Variants in DLG5 observed in about 807,000 individuals in gnomAD.
The protein encoded by DLG5 is discs large MAGUK scaffold protein 5, also known as disks large homolog 5.
DLG5 carries 48 observed loss-of-function variants against 189.8 expected under a neutral mutation model. The observed-to-expected ratio is 0.25, with a 90% CI of 0.20 to 0.32. The LOEUF (loss-of-function observed/expected upper bound fraction) is 0.32, where lower values mean the gene tolerates loss of function less well. Ranked by LOEUF, DLG5 falls within the 10% of genes least tolerant of loss-of-function variation. The pLI, the probability that DLG5 is intolerant of heterozygous loss-of-function variation, is 1.00. For missense variants in DLG5, 2,160 were observed against 2,544.7 expected, an observed-to-expected ratio of 0.85 and a Z score of 3.25; for synonymous variants, 1,016 against 1,054.1, an observed-to-expected ratio of 0.96 and a Z score of 0.70.
At chr10:77,931,174 C>T (rs1261285866), upstream of DLG5, among the ~76,000 whole-genome samples, 1 of 152,060 alleles carries the variant, frequency 6.6e-6, no homozygotes, top group Non-Finnish European at 1.5e-5. Context: ...CCAAGCTGGT[C>T]TTGAACACCT....
At chr10:77,908,499 G>A (rs1426748004) in intron 1 of DLG5, among the ~76,000 whole-genome samples, 1 of 152,292 alleles carries the variant, frequency 6.6e-6, no homozygotes, top group Admixed American at 6.5e-5. Context: ...AGCAGAGGCT[G>A]GTTGGCCTGG....
intron 27 of DLG5, among the ~76,000 whole-genome samples, chr10:77,797,093 G>A (rs1247800001): frequency 2.0e-5 from 3 of 152,198 alleles, no homozygotes; most frequent in Non-Finnish European, 4.4e-5. Flanking sequence ...AAATGGCAGA[G>A]GCACAAGATG....
chr10:77,859,226 T>TAA (rs559405438), intron 2 of DLG5, among the ~76,000 whole-genome samples: 1 of 152,126 alleles, frequency 6.6e-6, no homozygotes, highest in Non-Finnish European at 1.5e-5. Flanking sequence ...GTCAAAAAGT[T>TAA]AAAAAAATAT....
chr10:77,856,751 T>C lies in DLG5; in HGVS notation c.515A>G (p.His172Arg), dbSNP rs1471210269. ...ELRKRLAFAT[H>R]GTAFDKRPYH... ...CTACCTCTTGTCAAAGGCCGTGCCA[T>C]GCGTAGCAAAGGCCAGGCGCTTGCG... The change falls in exon 3 of 32, where the codon CAT (histidine) becomes CGT (arginine). Residue 172 changes from histidine (H) to arginine (R), a missense_variant. This residue lies in a region of DLG5 where 664 missense variants were observed against 838.5 expected (regional missense o/e 0.79). Transcript: ENST00000372391. The C allele has an allele frequency of 3.1e-6, 5 of 1,613,472 alleles. No homozygotes were observed. Among genetic ancestry groups the C allele is most frequent in the East Asian group, 2.2e-5 (1 of 44,878 alleles).
At position 77,816,655 on chromosome 10, in the gene DLG5, C is replaced by G; in HGVS notation, c.3921G>C (p.Leu1307=). The G allele has an allele frequency of 6.2e-7, 1 of 1,613,924 alleles. No homozygotes were observed. Among genetic ancestry groups the G allele is most frequent in the African/African-American group, 1.3e-5 (1 of 75,050 alleles). ...SECSTPPQSP[L]NIDTLSSCSQ... is the part of the protein sequence containing the mutation. The stretch of plus-strand genomic sequence containing the variant: ...TACAAGAGGACAGGGTGTCGATGTT[C>G]AGGGGTGACTGTGGAGGAGTGCTGC... The change falls in exon 20 of 32, where the codon CTG becomes CTC. Residue 1307 remains leucine, a synonymous_variant. Coordinates refer to ENST00000372391, the MANE Select transcript of DLG5 (RefSeq NM_004747.4).
At chr10:77,934,354 A>G in the DLG5 span, among the ~76,000 whole-genome samples, 1 of 145,476 alleles carries the variant, frequency 6.9e-6, no homozygotes, top group Admixed American at 7.3e-5. Context: ...CTGGGCAATA[A>G]GAGTGAAACT....
At position 77,830,203 on chromosome 10, in the gene DLG5, G is replaced by C; in HGVS notation, c.2009+14C>G. 6.2e-7 allele frequency: 1 copy of C among 1,613,930 alleles called. No homozygotes were observed. Among genetic ancestry groups the C allele is most frequent in the South Asian group, 1.1e-5 (1 of 91,076 alleles). On this transcript the variant is annotated intron_variant, in intron 11 of 31. Transcript: ENST00000372391. ...GCCCCACCTTGCCTCCAGAGCCTGG[G>C]CCTCAACTCTTACCTTAAGCGGCCA...
intron 1 of DLG5, among the ~76,000 whole-genome samples, chr10:77,914,800 T>A (rs1846315581): frequency 6.6e-6 from 1 of 152,300 alleles, no homozygotes; most frequent in East Asian, 1.9e-4. Context: ...ACCACCAGGA[T>A]GGCTCTCCAC....
At chr10:77,827,934 G>C (rs1564521779) in intron 13 of DLG5, among the ~76,000 whole-genome samples, 1 of 152,066 alleles carries the variant, frequency 6.6e-6, no homozygotes, top group Non-Finnish European at 1.5e-5. Flanking sequence ...TTCTAAATGG[G>C]GGCAGGGACA....
At position 77,796,509 on chromosome 10, in the gene DLG5, G is replaced by A. The variant is rs762419455; in HGVS notation, c.5250C>T (p.Asp1750=). The change falls in exon 28 of 32, where the codon GAC becomes GAT. Residue 1750 remains aspartate (D), a synonymous_variant. Transcript: ENST00000372391. This position sits in a 1 kb window ranked among gnomAD's most constrained non-coding sequence, Gnocchi z 5.2. ...CATTCACCAGCATCTCCTTCACCAC[G>A]TCCAGCAAAGGCCCCAGAATCAGGA... is the stretch of plus-strand genomic sequence containing the variant. ...RPVLILGPLL[D]VVKEMLVNEA... is the part of the protein sequence containing the mutation. The A allele has an allele frequency of 6.8e-6, 11 of 1,614,162 alleles. No homozygotes were observed. Among genetic ancestry groups the A allele is most frequent in the Admixed American group, 5.0e-5 (3 of 60,020 alleles).
At chr10:77,832,668 AG>A (rs1360379052) in intron 9 of DLG5, among the ~76,000 whole-genome samples, 1 of 152,202 alleles carries the variant, frequency 6.6e-6, no homozygotes, top group Non-Finnish European at 1.5e-5. Flanking sequence ...CTTAGCAGAC[AG>A]GAGGCACAAA....
In DLG5 at chr10:77,829,350, G is replaced by T; in HGVS notation, c.2185+5C>A. The T allele has an allele frequency of 6.2e-7, 1 of 1,613,498 alleles. No homozygotes were observed. The highest frequency in any genetic ancestry group is 1.7e-5 in the Admixed American group (1 of 60,022). On this transcript the variant is annotated splice_donor_5th_base_variant and intron_variant, in intron 12 of 31. Coordinates refer to ENST00000372391, the MANE Select transcript of DLG5 (RefSeq NM_004747.4). ...GGCACTCTGCCATGTTCACAGGCCC[G>T]CTACCTTTCTGTCCACTGAGGTTGA...
At chr10:77,867,844 C>T in intron 2 of DLG5, 2 of 437,376 alleles carry the variant, frequency 4.6e-6, no homozygotes, top group South Asian at 3.3e-5. Flanking sequence ...ATAGTCTTTA[C>T]AGATGATCAA....
rs1841646723 is a variant in DLG5 at position 77,809,457 on chromosome 10, A to G, written c.4647+90T>C. ...ACTGGCTCACCAGATGAGAGGCTGT[A>G]CTCCTCCGTCTTTGGTGCCACCTGA... On this transcript the variant is annotated intron_variant, in intron 24 of 31. Transcript: ENST00000372391. The G allele has an allele frequency of 2.2e-6, 3 of 1,394,000 alleles. No homozygotes were observed. The Admixed American group carries it at 6.6e-5, about 31-fold the overall frequency. The allele number at this position is 1,394,000 out of a possible 1,614,324, so 86.4% of individuals were successfully genotyped here.
At chr10:77,870,179 CA>C (rs1157051236) in intron 1 of DLG5, among the ~76,000 whole-genome samples, 1 of 152,160 alleles carries the variant, frequency 6.6e-6, no homozygotes, top group Non-Finnish European at 1.5e-5. Context: ...GATGGCAGGT[CA>C]GATAAAACAA....
intron 1 of DLG5, among the ~76,000 whole-genome samples, chr10:77,892,735 G>A (rs983770957): frequency 6.6e-6 from 1 of 152,230 alleles, no homozygotes; most frequent in Non-Finnish European, 1.5e-5. Flanking sequence ...GCAGCCAGGA[G>A]ACACCCAATA....
At chr10:77,837,427 C>T (rs1021776518) in intron 7 of DLG5, among the ~76,000 whole-genome samples, 5 of 152,086 alleles carry the variant, frequency 3.3e-5, no homozygotes, top group Admixed American at 6.6e-5. Context: ...GCAGACAGGA[C>T]GACAGGCAGC....
chr10:77,874,086 C>T (rs919681121), intron 1 of DLG5, among the ~76,000 whole-genome samples: 2 of 152,242 alleles, frequency 1.3e-5, no homozygotes, highest in African/African-American at 4.8e-5. Flanking sequence ...GTTTCCAACA[C>T]GTGCCCCCCG....
intron 20 of DLG5, among the ~76,000 whole-genome samples, chr10:77,814,477 A>ATATG: frequency 9.7e-6 from 1 of 103,144 alleles, no homozygotes; most frequent in African/African-American, 7.6e-5. Flanking sequence ...ATATATATAT[A>ATATG]TATATATATA....
Sources: allele counts gnomAD v4.1 joint callset (sites outside exome capture counted in the v4.1 genomes callset), GRCh38; gene constraint gnomAD v4.1.1; regional missense constraint gnomAD v4.1.1; non-coding constraint Gnocchi (gnomAD v3.1); transcripts MANE v1.5; gene names NCBI Gene and HGNC (gene_info 2026-07-23, HGNC 2026-07-21).